Variants in PLA2G2C observed in about 807,000 individuals in gnomAD.
The protein encoded by PLA2G2C is putative inactive group IIC secretory phospholipase A2.
PLA2G2C carries 15 observed loss-of-function variants against 14.3 expected under a neutral mutation model. That is an observed-to-expected ratio of 1.05 (90% CI 0.70 to 1.62). PLA2G2C has a LOEUF of 1.62. PLA2G2C is among the 40% of genes most tolerant of loss of function. The probability of loss-of-function intolerance (pLI) is 0.00; values close to 1 mark genes in which losing one functional copy is unlikely to be tolerated. For synonymous variants in PLA2G2C, 79 were observed against 67.7 expected, an observed-to-expected ratio of 1.17 and a Z score of -0.82; for missense variants, 162 against 173.2, an observed-to-expected ratio of 0.94 and a Z score of 0.36.
intron 4 of PLA2G2C, among the ~76,000 whole-genome samples, chr1:20,167,161 G>A (rs2017993270): frequency 6.6e-6 from 1 of 152,174 alleles, no homozygotes; most frequent in South Asian, 2.1e-4. Flanking sequence ...AGCCCTGGTT[G>A]TCTCTGAATT....
In PLA2G2C at chr1:20,172,884, A is replaced by G; in HGVS notation, c.193T>C (p.Ser65Pro). The G allele has an allele frequency of 6.2e-7, 1 of 1,613,554 alleles. No individual in the cohort carries two copies. Residue 65 changes from serine (S) to proline (P), a missense_variant, in exon 4 of 5, where the codon TCT (serine) becomes CCT (proline). Physicochemically the swap from Ser to Pro is moderately conservative, Grantham distance 74 (BLOSUM62 -1). Transcript: ENST00000679259. ...TTCAGCTTCTCGTAGGGAGAGGGAG[A>G]TGAGGGGCTGTGCCTGGAAGTGGGT... ...VDDTDRHSPS[S>P]PSPYEKLKEF...
In PLA2G2C at chr1:20,166,319, C is replaced by G. The variant is rs114740431; in HGVS notation, c.284-2162G>C. On this transcript the variant is annotated intron_variant, in intron 4 of 4. Coordinates refer to ENST00000679259, the MANE Select transcript of PLA2G2C (RefSeq NM_001367969.2). ...GAGCTTCCTGCCCTCCCTGCTCGCC[C>G]GCAGGGAATCTGCCAGGGATGTTCA... Among the ~76,000 whole-genome samples, 1,299 of 152,274 alleles carry G rather than the reference C, an allele frequency of 8.5e-3. 17 individuals carry two copies. Among genetic ancestry groups the G allele is most frequent in the African/African-American group, 0.028 (1,166 of 41,556 alleles).
intron 1 of PLA2G2C, among the ~76,000 whole-genome samples, chr1:20,178,719 G>T (rs1365106163): frequency 6.6e-6 from 1 of 152,194 alleles, no homozygotes. Flanking sequence ...AACAAAGAAA[G>T]GGACCTGGGT....
chr1:20,177,718 A>G (rs147267026), intron 1 of PLA2G2C, among the ~76,000 whole-genome samples: 1 of 150,910 alleles, frequency 6.6e-6, no homozygotes, highest in African/African-American at 2.4e-5. Context: ...TCTTTTGAGG[A>G]GTCCATATTT....
At chr1:20,183,386 G>A (rs113303331) in intron 1 of PLA2G2C, among the ~76,000 whole-genome samples, 1,676 of 152,320 alleles carry the variant, frequency 0.011, 31 homozygotes, top group African/African-American at 0.037. Context: ...GGGGGAACAC[G>A]CAGGTGAGGA....
At chr1:20,182,412 C>T (rs933310602) in intron 1 of PLA2G2C, among the ~76,000 whole-genome samples, 2 of 152,194 alleles carry the variant, frequency 1.3e-5, no homozygotes, top group African/African-American at 4.8e-5. Flanking sequence ...CGGCAACATG[C>T]TGTACAGGTT....
At chr1:20,175,951 C>G (rs1180434192) in intron 2 of PLA2G2C, among the ~76,000 whole-genome samples, 1 of 151,192 alleles carries the variant, frequency 6.6e-6, no homozygotes, top group Non-Finnish European at 1.5e-5. Context: ...CTGTTGTTAC[C>G]CAGGCTGGAG....
chr1:20,165,760 ATG>A (rs1001477802), intron 4 of PLA2G2C, among the ~76,000 whole-genome samples: 8 of 151,588 alleles, frequency 5.3e-5, no homozygotes, highest in Admixed American at 2.6e-4. Flanking sequence ...CCATGTGTGC[ATG>A]TGTGTGTATG....
chr1:20,176,384 A>G (rs1240433994), intron 2 of PLA2G2C, among the ~76,000 whole-genome samples: 1 of 152,148 alleles, frequency 6.6e-6, no homozygotes, highest in Non-Finnish European at 1.5e-5. Flanking sequence ...ATACTCATTT[A>G]TTTTACTTTT....
At chr1:20,182,199 A>G (rs2018287906) in intron 1 of PLA2G2C, among the ~76,000 whole-genome samples, 1 of 152,256 alleles carries the variant, frequency 6.6e-6, no homozygotes, top group Non-Finnish European at 1.5e-5. Context: ...CATGCACCAT[A>G]TAATGACATT....
intron 1 of PLA2G2C, among the ~76,000 whole-genome samples, chr1:20,178,398 G>A (rs1277220525): frequency 6.6e-6 from 1 of 152,190 alleles, no homozygotes; most frequent in Non-Finnish European, 1.5e-5. Context: ...TTTACACCTG[G>A]TGGCAAAGCT....
intron 4 of PLA2G2C, among the ~76,000 whole-genome samples, chr1:20,165,707 T>C (rs909033920): frequency 2.0e-5 from 3 of 148,710 alleles, no homozygotes; most frequent in Non-Finnish European, 4.5e-5. Context: ...TGTGCATGCG[T>C]GTGCCTGTGT....
intron 4 of PLA2G2C, among the ~76,000 whole-genome samples, chr1:20,167,618 G>A (rs930084370): frequency 6.6e-6 from 1 of 152,104 alleles, no homozygotes; most frequent in South Asian, 2.1e-4. Context: ...TTTCCTCCTT[G>A]ACTCTCTTCT....
intron 1 of PLA2G2C, among the ~76,000 whole-genome samples, chr1:20,185,916 G>A (rs998168478): frequency 6.6e-6 from 1 of 152,170 alleles, no homozygotes; most frequent in African/African-American, 2.4e-5. Context: ...GGTCCCTGTC[G>A]CCTCCAGGCC....
At chr1:20,170,750 T>C (rs554400532) in intron 4 of PLA2G2C, among the ~76,000 whole-genome samples, 1 of 95,806 alleles carries the variant, frequency 1.0e-5, no homozygotes, top group Non-Finnish European at 2.2e-5. Context: ...CCCACGCTAG[T>C]GCCCTGAGCA....
At chr1:20,181,902 G>A (rs1204841831) in intron 1 of PLA2G2C, among the ~76,000 whole-genome samples, 2 of 152,098 alleles carry the variant, frequency 1.3e-5, no homozygotes, top group Admixed American at 6.5e-5. Flanking sequence ...CTAACTCAGG[G>A]GCCTATGTCA....
At position 20,163,831 on chromosome 1, in the gene PLA2G2C, C is replaced by T. The variant is rs1228545514; in HGVS notation, c.*160G>A. The stretch of plus-strand genomic sequence containing the variant: ...CTCTGATGCTGAACGACAGGGAGTC[C>T]CCTTGGTCAGAATGCTGAAGGGTGA... On this transcript the variant is annotated 3_prime_UTR_variant, in exon 5 of 5. Coordinates refer to ENST00000679259, the MANE Select transcript of PLA2G2C (RefSeq NM_001367969.2). 1 of 768,412 alleles carries T rather than the reference C, an allele frequency of 1.3e-6. No individual in the cohort carries two copies. The allele number at this position is 768,412 out of a possible 1,614,324, so 47.6% of individuals were successfully genotyped here. A position where few individuals can be genotyped will look rare whatever the true frequency, so the allele number is the denominator to read the frequency against.
intron 3 of PLA2G2C, among the ~76,000 whole-genome samples, chr1:20,174,659 C>G (rs970911198): frequency 6.6e-6 from 1 of 152,168 alleles, no homozygotes; most frequent in African/African-American, 2.4e-5. Context: ...AACATGAGGC[C>G]CTTTATTAAG....
intron 4 of PLA2G2C, among the ~76,000 whole-genome samples, chr1:20,164,971 G>A (rs1041830701): frequency 6.6e-6 from 1 of 152,222 alleles, no homozygotes; most frequent in Non-Finnish European, 1.5e-5. Flanking sequence ...ACTGTAACCC[G>A]AGTTACGTTC....
Sources: allele counts gnomAD v4.1 joint callset (sites outside exome capture counted in the v4.1 genomes callset), GRCh38; gene constraint gnomAD v4.1.1; transcripts MANE v1.5; gene names NCBI Gene and HGNC (gene_info 2026-07-23, HGNC 2026-07-21).